The following MECOM variants were observed in gnomAD, a reference collection of about 807,000 sequenced individuals.
MECOM encodes the protein MDS1 and EVI1 complex locus, also known as histone-lysine N-methyltransferase MECOM.
MECOM carries 13 observed loss-of-function variants against 116.3 expected under a neutral mutation model. The observed-to-expected ratio is 0.11, with a 90% CI of 0.07 to 0.18. The LOEUF (loss-of-function observed/expected upper bound fraction) is 0.18. Among genes scored for constraint, MECOM ranks in the 10% least tolerant of loss-of-function variants. The pLI, the probability that MECOM is intolerant of heterozygous loss-of-function variation, is 1.00. For missense variants in MECOM, 1,299 were observed against 1,509.0 expected (o/e 0.86, Z 2.31); for synonymous variants, 528 against 535.2 (o/e 0.99, Z 0.19).
At chr3:169,631,502 G>T (rs945746165) in intron 1 of MECOM, among the ~76,000 whole-genome samples, 4 of 151,674 alleles carry the variant, frequency 2.6e-5, no homozygotes, top group Non-Finnish European at 4.4e-5. Context: ...GGGTACATGT[G>T]CACAATGTGC....
intron 1 of MECOM, among the ~76,000 whole-genome samples, chr3:169,408,221 C>T (rs1027800298): frequency 6.6e-6 from 1 of 152,056 alleles, no homozygotes; most frequent in Non-Finnish European, 1.5e-5. Context: ...TAAGAGGAGG[C>T]CAAGCATGCC....
rs1730904970 is a variant in MECOM at position 169,121,180 on chromosome 3, C to T, written c.1008G>A (p.Arg336=). 3.1e-6 allele frequency: 5 copies of T among 1,611,912 alleles called. No individual in the cohort carries two copies. The highest frequency in any genetic ancestry group is 4.2e-6 in the Non-Finnish European group (5 of 1,179,110). ...KVFTDPSNLQ[R]HIRSQHVGAR... is the part of the protein sequence containing the mutation. Reference sequence around the variant, plus strand: ...CACCGACATGCTGAGAGCGAATGTGCCGCTGAAGGTTGCTAGGGTCCGTGA... The same window carrying T: ...CACCGACATGCTGAGAGCGAATGTGTCGCTGAAGGTTGCTAGGGTCCGTGA... The change falls in exon 7 of 17, where the codon CGG becomes CGA. Residue 336 remains arginine, a synonymous_variant. Coordinates refer to ENST00000651503, the MANE Select transcript of MECOM (RefSeq NM_004991.4).
chr3:169,162,117 C>T (rs1742940788), intron 2 of MECOM, among the ~76,000 whole-genome samples: 1 of 152,194 alleles, frequency 6.6e-6, no homozygotes, highest in Non-Finnish European at 1.5e-5. Context: ...ACACCAGCCA[C>T]AGCTCTTTGG....
intron 2 of MECOM, among the ~76,000 whole-genome samples, chr3:169,378,389 G>A (rs1731439606): frequency 3.6e-5 from 1 of 27,798 alleles, no homozygotes; most frequent in Admixed American, 4.5e-4. Context: ...AGGAAGACAA[G>A]AAAGAAAGAA....
chr3:169,262,792 T>C (rs200754642), intron 2 of MECOM, among the ~76,000 whole-genome samples: 1 of 152,234 alleles, frequency 6.6e-6, no homozygotes, highest in East Asian at 1.9e-4. Context: ...CATTAATTAC[T>C]GTGATTAATA....
In MECOM at chr3:169,522,353, A is replaced by G. The variant is rs138428404; in HGVS notation, c.38-140829T>C. On this transcript the variant is annotated intron_variant, in intron 1 of 16. Coordinates refer to ENST00000651503, the MANE Select transcript of MECOM (RefSeq NM_004991.4). ...GCTGCGGGTGGAGGCACCAATTTCCATGTATTAGTCATGACTCTAGGTTGC... is the reference window on the plus strand; with the variant it reads ...GCTGCGGGTGGAGGCACCAATTTCCGTGTATTAGTCATGACTCTAGGTTGC... Among the ~76,000 whole-genome samples the G allele has an allele frequency of 6.3e-3, 967 of 152,308 alleles. 14 individuals are homozygous for G. Among genetic ancestry groups the G allele is most frequent in the African/African-American group, 0.023 (945 of 41,552 alleles).
At chr3:169,317,382 C>T (rs549726982) in intron 2 of MECOM, among the ~76,000 whole-genome samples, 32 of 151,774 alleles carry the variant, frequency 2.1e-4, no homozygotes, top group Non-Finnish European at 4.4e-4. Context: ...GGTTAATATC[C>T]TTGAAAAAAA....
chr3:169,500,689 A>G (rs1754421314), intron 1 of MECOM, among the ~76,000 whole-genome samples: 1 of 152,008 alleles, frequency 6.6e-6, no homozygotes, highest in African/African-American at 2.4e-5. Context: ...ATTACTAAGC[A>G]ATTATATAAA....
At chr3:169,390,257 C>T (rs1161271875) in intron 1 of MECOM, among the ~76,000 whole-genome samples, 3 of 152,104 alleles carry the variant, frequency 2.0e-5, no homozygotes, top group Admixed American at 2.0e-4. Flanking sequence ...GTGCCAAAAG[C>T]TTATAAAATG....
At chr3:169,260,266 A>G (rs1757383689) in intron 2 of MECOM, among the ~76,000 whole-genome samples, 1 of 152,338 alleles carries the variant, frequency 6.6e-6, no homozygotes, top group South Asian at 2.1e-4. Flanking sequence ...TTAAAAAAAT[A>G]TACCCAGTAA....
At chr3:169,497,692 T>C (rs184115607) in intron 1 of MECOM, among the ~76,000 whole-genome samples, 196 of 152,292 alleles carry the variant, frequency 1.3e-3, no homozygotes, top group Middle Eastern at 0.01. Flanking sequence ...CTGCATACCT[T>C]TGCCAAAACA....
At chr3:169,555,767 C>T (rs889930621) in intron 1 of MECOM, among the ~76,000 whole-genome samples, 5 of 152,172 alleles carry the variant, frequency 3.3e-5, no homozygotes, top group Non-Finnish European at 7.3e-5. Context: ...TTCCTGGGCT[C>T]CTTAAACATA....
intron 2 of MECOM, among the ~76,000 whole-genome samples, chr3:169,236,145 A>G (rs748714114): frequency 1.3e-5 from 2 of 152,166 alleles, no homozygotes; most frequent in Admixed American, 6.6e-5. Flanking sequence ...AAGTGTCCTG[A>G]GCACATTTAA....
At position 169,211,007 on chromosome 3, in the gene MECOM, T is replaced by C. The variant is rs950850454; in HGVS notation, c.376-67175A>G. Among the ~76,000 whole-genome samples the C allele has an allele frequency of 2.6e-5, 4 of 152,190 alleles. No individual in the cohort carries two copies. The East Asian group carries it at 7.7e-4, about 29-fold the overall frequency. On this transcript the variant is annotated intron_variant, in intron 2 of 16. Coordinates refer to ENST00000651503, the MANE Select transcript of MECOM (RefSeq NM_004991.4). Reference sequence around the variant, plus strand: ...TACATGAAAATATCAAAGGGATTTATTCTTTCAACTATTAATGGATATTTG... The same window carrying C: ...TACATGAAAATATCAAAGGGATTTACTCTTTCAACTATTAATGGATATTTG...
chr3:169,387,950 G>T (rs149541149), intron 1 of MECOM, among the ~76,000 whole-genome samples: 33 of 152,052 alleles, frequency 2.2e-4, no homozygotes, highest in African/African-American at 7.2e-4. Context: ...ATAAAAACAT[G>T]AGCAAACTTC....
intron 2 of MECOM, among the ~76,000 whole-genome samples, chr3:169,158,474 A>T (rs1742338419): frequency 6.6e-6 from 1 of 152,150 alleles, no homozygotes; most frequent in African/African-American, 2.4e-5. Flanking sequence ...ATGAGACGGA[A>T]ACACGAATCA....
chr3:169,547,143 A>G (rs1191221280), intron 1 of MECOM, among the ~76,000 whole-genome samples: 1 of 152,158 alleles, frequency 6.6e-6, no homozygotes, highest in East Asian at 1.9e-4. Context: ...ATCATGGGGT[A>G]GATTTCCCCC....
chr3:169,434,000 TG>T (rs1282433829), intron 1 of MECOM, among the ~76,000 whole-genome samples: 1 of 152,172 alleles, frequency 6.6e-6, no homozygotes, highest in East Asian at 1.9e-4. Flanking sequence ...TGGCAGAAAT[TG>T]CCTCTTTAAT....
intron 1 of MECOM, among the ~76,000 whole-genome samples, chr3:169,508,630 A>G (rs1462100448): frequency 6.6e-6 from 1 of 152,214 alleles, no homozygotes. Flanking sequence ...ATAAGAAACT[A>G]TTCTCATATG....
Sources: allele counts gnomAD v4.1 joint callset (sites outside exome capture counted in the v4.1 genomes callset), GRCh38; gene constraint gnomAD v4.1.1; transcripts MANE v1.5; gene names NCBI Gene and HGNC (gene_info 2026-07-23, HGNC 2026-07-21).